The following VAV2 variants were observed in gnomAD, a reference collection of about 807,000 sequenced individuals.
VAV2 encodes vav guanine nucleotide exchange factor 2.
In VAV2, 67 loss-of-function variants were observed where a neutral mutation model predicts 132.5. The observed-to-expected ratio is 0.51, with a 90% confidence interval of 0.42 to 0.62. The LOEUF (loss-of-function observed/expected upper bound fraction) is 0.62, where lower values mean the gene tolerates loss of function less well. Ranked by LOEUF, VAV2 falls within the 20% of genes least tolerant of loss-of-function variation. VAV2 has a pLI of 0.00. For missense variants in VAV2, 938 were observed against 1,153.6 expected, an observed-to-expected ratio of 0.81 and a Z score of 2.71; for synonymous variants, 492 against 443.5, an observed-to-expected ratio of 1.11 and a Z score of -1.37.
chr9:133,766,479 T>C (rs1833435192), intron 29 of VAV2, among the ~76,000 whole-genome samples: 1 of 152,054 alleles, frequency 6.6e-6, no homozygotes, highest in Non-Finnish European at 1.5e-5. Context: ...TGTAGGGACA[T>C]GGATGAAGCT....
Position 133,772,041 on chromosome 9 carries a change from T to C in VAV2, c.2141A>G (p.Asn714Ser), listed in dbSNP as rs758798561. ...CACCTTGATGTGCTTCACCTCATCA[T>C]TGAACCTGAGCAAACACACGGCCCC... Reference protein sequence around the residue: ...AERFAISIKFNDEVKHIKVVE... With the variant: ...AERFAISIKFSDEVKHIKVVE... The change falls in exon 26 of 30, where the codon AAT becomes AGT. Residue 714 changes from asparagine to serine, a missense_variant. Transcript: ENST00000371850. 16 of 1,613,964 alleles carry C rather than the reference T, an allele frequency of 9.9e-6. No homozygotes were observed. The highest frequency in any genetic ancestry group is 4.0e-5 in the African/African-American group (3 of 74,936).
intron 25 of VAV2, among the ~76,000 whole-genome samples, chr9:133,773,982 A>G (rs1169079033): frequency 1.3e-5 from 2 of 152,162 alleles, no homozygotes; most frequent in African/African-American, 4.8e-5. Flanking sequence ...TTTCAGCTCC[A>G]TTATAATCTT....
chr9:133,892,264 C>T (rs928120824), intron 2 of VAV2, among the ~76,000 whole-genome samples: 2 of 151,382 alleles, frequency 1.3e-5, no homozygotes, highest in Non-Finnish European at 3.0e-5. Flanking sequence ...ACAGGTGTCC[C>T]GGGTTGGCTG....
At chr9:133,881,497 G>A (rs1416140546) in intron 2 of VAV2, among the ~76,000 whole-genome samples, 1 of 152,156 alleles carries the variant, frequency 6.6e-6, no homozygotes, top group Non-Finnish European at 1.5e-5. Flanking sequence ...CAGGCAGCTC[G>A]AGCCTCCAGC....
At chr9:133,825,099 T>C (rs1462256688) in intron 4 of VAV2, among the ~76,000 whole-genome samples, 1 of 150,962 alleles carries the variant, frequency 6.6e-6, no homozygotes, top group Non-Finnish European at 1.5e-5. Flanking sequence ...TCTTAAAGGG[T>C]CTGTTGTGCA....
chr9:133,969,852 T>C lies in VAV2; in HGVS notation c.204+22223A>G, dbSNP rs1341790142. Reference sequence around the variant, plus strand: ...GGCTCCAGGCCTCCCTCTCCAGGTGTCCCTGTAGTGCAGACACAGTGGAGC... The same window carrying C: ...GGCTCCAGGCCTCCCTCTCCAGGTGCCCCTGTAGTGCAGACACAGTGGAGC... On this transcript the variant is annotated intron_variant, in intron 1 of 29. Coordinates refer to ENST00000371850, the MANE Select transcript of VAV2 (RefSeq NM_001134398.2). The surrounding 1 kb of genome is among the most constrained non-coding windows in gnomAD (Gnocchi z 5.1). 2.0e-5 allele frequency among the ~76,000 whole-genome samples: 3 copies of C among 151,948 alleles called. No individual in the cohort carries two copies. Among genetic ancestry groups the C allele is most frequent in the Non-Finnish European group, 2.9e-5 (2 of 67,958 alleles).
intron 2 of VAV2, among the ~76,000 whole-genome samples, chr9:133,914,809 A>AG (rs1840014270): frequency 4.9e-3 from 6 of 1,228 alleles, no homozygotes; most frequent in Non-Finnish European, 9.0e-3. Flanking sequence ...AGGGGAAGGG[A>AG]GAAGGGGAGG....
At chr9:133,808,347 T>C (rs1277535918) in intron 7 of VAV2, among the ~76,000 whole-genome samples, 2 of 152,230 alleles carry the variant, frequency 1.3e-5, no homozygotes, top group Non-Finnish European at 2.9e-5. Context: ...GTCTCCCGGC[T>C]GGAGGCATCA....
chr9:133,783,877 G>GTTT lies in VAV2; in HGVS notation c.1635-289_1635-287dup, dbSNP rs56069048. On this transcript the variant is annotated intron_variant, in intron 18 of 29. Transcript: ENST00000371850. ...GAAACTCTAAGGGCTTGGCTGGGCC[G>GTTT]TTTTTTTTTTTTTTTTTTTTGGAGA... Among the ~76,000 whole-genome samples the GTTT allele has an allele frequency of 2.6e-3, 225 of 85,136 alleles. 4 individuals are homozygous for GTTT. Among genetic ancestry groups the GTTT allele is most frequent in the African/African-American group, 9.6e-3 (215 of 22,358 alleles). 55.9% of individuals were successfully genotyped at this position (85,136 alleles called of 152,430 possible).
chr9:133,763,997 G>T lies in VAV2; in HGVS notation c.*65C>A. On this transcript the variant is annotated 3_prime_UTR_variant, in exon 30 of 30. Transcript: ENST00000371850. The surrounding 1 kb of genome is among the most constrained non-coding windows in gnomAD (Gnocchi z 6.8). The stretch of plus-strand genomic sequence containing the variant: ...CCCTCTGAGTCACAGAGGAGCTAGA[G>T]ACAGACTTCAGGGCTGGAGTGACTC... The T allele has an allele frequency of 6.3e-7, 1 of 1,592,468 alleles. No individual in the cohort carries two copies. The highest frequency in any genetic ancestry group is 1.1e-5 in the South Asian group (1 of 90,558).
chr9:133,958,539 T>C (rs1427524602), intron 1 of VAV2, among the ~76,000 whole-genome samples: 2 of 145,168 alleles, frequency 1.4e-5, no homozygotes, highest in African/African-American at 4.9e-5. Flanking sequence ...CACATCCCCC[T>C]CTCGGAGAAA....
rs1035664437 is a variant in VAV2, at chr9:133,794,545, C to G, written c.1101+1123G>C. On this transcript the variant is annotated intron_variant, in intron 12 of 29. Coordinates refer to ENST00000371850, the MANE Select transcript of VAV2 (RefSeq NM_001134398.2). This position sits in a 1 kb window ranked among gnomAD's most constrained non-coding sequence, Gnocchi z 4.6. ...CAGAGACAGATTACAGCCCCTCCCC[C>G]ACCCAGAGGGAGCTCCTTAAATGAG... 2.6e-5 allele frequency among the ~76,000 whole-genome samples: 4 copies of G among 152,228 alleles called. No individual in the cohort carries two copies. The highest frequency in any genetic ancestry group is 7.2e-5 in the African/African-American group (3 of 41,468).
chr9:133,836,795 A>C lies in VAV2; in HGVS notation c.381-2455T>G, dbSNP rs564361176. The stretch of plus-strand genomic sequence containing the variant: ...GCTAAGCCGATCAAGAGATGCATTC[A>C]CACTTTGTAAGGAAACCCACCCTAA... On this transcript the variant is annotated intron_variant, in intron 3 of 29. Transcript: ENST00000371850. Among the ~76,000 whole-genome samples the C allele has an allele frequency of 2.6e-5, 4 of 152,312 alleles. No individual in the cohort carries two copies. In the South Asian group the frequency reaches 8.3e-4, roughly 32 times the overall value.
Position 133,954,144 on chromosome 9 carries a change from C to T in VAV2, c.205-14925G>A, listed in dbSNP as rs141117649. Among the ~76,000 whole-genome samples the T allele has an allele frequency of 3.2e-4, 49 of 152,324 alleles. 1 individual carries two copies. The highest frequency in any genetic ancestry group is 1.1e-3 in the African/African-American group (45 of 41,582). On this transcript the variant is annotated intron_variant, in intron 1 of 29. Coordinates refer to ENST00000371850, the MANE Select transcript of VAV2 (RefSeq NM_001134398.2). ...CCTGTCTGCTGCTGGGGAATCACTCCGTGGTTAGCACCCATCATTTCGAGA... is the reference window on the plus strand; with the variant it reads ...CCTGTCTGCTGCTGGGGAATCACTCTGTGGTTAGCACCCATCATTTCGAGA...
chr9:133,890,060 T>G (rs1204623142), intron 2 of VAV2, among the ~76,000 whole-genome samples: 1 of 152,166 alleles, frequency 6.6e-6, no homozygotes, highest in African/African-American at 2.4e-5. Flanking sequence ...GAGGCTATGG[T>G]GCCAGGGTGT....
At chr9:133,976,205 C>CAA (rs879835849) in intron 1 of VAV2, among the ~76,000 whole-genome samples, 5 of 143,730 alleles carry the variant, frequency 3.5e-5, no homozygotes, top group Non-Finnish European at 7.7e-5. Flanking sequence ...GATTCCATTT[C>CAA]AAAAAAAAAA....
intron 21 of VAV2, 95 bp downstream of exon 21, chr9:133,779,823 G>A (rs1337297492): frequency 2.6e-6 from 4 of 1,512,930 alleles, no homozygotes; most frequent in Non-Finnish European, 3.6e-6. Flanking sequence ...TGGTGGCTGG[G>A]CAGACCTGGC....
intron 1 of VAV2, among the ~76,000 whole-genome samples, chr9:133,960,024 G>C (rs914398870): frequency 2.0e-5 from 3 of 152,202 alleles, no homozygotes; most frequent in African/African-American, 7.2e-5. Context: ...AGTGAGAGCC[G>C]GGAACACGGG....
Position 133,918,466 on chromosome 9 carries a change from C to T in VAV2, c.321+20637G>A, listed in dbSNP as rs182900703. On this transcript the variant is annotated intron_variant, in intron 2 of 29. Coordinates refer to ENST00000371850, the MANE Select transcript of VAV2 (RefSeq NM_001134398.2). This position sits in a 1 kb window ranked among gnomAD's most constrained non-coding sequence, Gnocchi z 4.7. ...CCTGGAAAGGCGGCAGACTCCTTCT[C>T]GGTGGCACCCATTGTAAGAGTCAGC... is the stretch of plus-strand genomic sequence containing the variant. Among the ~76,000 whole-genome samples the T allele has an allele frequency of 6.9e-4, 105 of 152,110 alleles. 1 individual carries two copies. Among genetic ancestry groups the T allele is most frequent in the Non-Finnish European group, 5.9e-4 (40 of 67,986 alleles).
Sources: gnomAD v4.1 joint callset for allele counts (sites outside exome capture counted in the v4.1 genomes callset) on GRCh38, gnomAD v4.1.1 for gene constraint, Gnocchi (gnomAD v3.1) non-coding constraint, MANE v1.5 for transcripts, NCBI Gene and HGNC (gene_info 2026-07-23, HGNC 2026-07-21) for gene names.